Variants in CPVL observed in about 807,000 individuals in gnomAD.
CPVL encodes carboxypeptidase vitellogenic like, also known as probable serine carboxypeptidase CPVL.
In CPVL, 51 loss-of-function variants were observed where a neutral mutation model predicts 63.7. The ratio of observed to expected loss-of-function variants is 0.80; its 90% CI spans 0.64 to 1.01. The LOEUF is 1.01. Among genes scored for constraint, CPVL ranks in the 50% least tolerant of loss-of-function variants. The probability of loss-of-function intolerance (pLI) is 0.00; values close to 1 mark genes in which losing one functional copy is unlikely to be tolerated. For synonymous variants in CPVL, 195 were observed against 206.0 expected, an observed-to-expected ratio of 0.95 and a Z score of 0.46; for missense variants, 530 against 573.1, an observed-to-expected ratio of 0.92 and a Z score of 0.77.
At chr7:29,115,597 C>A (rs1788702052) in intron 2 of CPVL, among the ~76,000 whole-genome samples, 1 of 150,532 alleles carries the variant, frequency 6.6e-6, no homozygotes, top group Non-Finnish European at 1.5e-5. Context: ...TTTAGCAAAA[C>A]TATTAATCTT....
chr7:29,193,386 CTG>C (rs1035821739), intron 1 of CPVL: 3 of 152,092 alleles, frequency 2.0e-5, no homozygotes, highest in Non-Finnish European at 4.4e-5. Flanking sequence ...AGCTGCTGTT[CTG>C]TGTCACTCCT....
intron 1 of CPVL, chr7:29,191,978 TGAATGATTA>T: frequency 6.6e-6 from 1 of 152,200 alleles, no homozygotes; most frequent in African/African-American, 2.4e-5. Flanking sequence ...AGGATGATAG[TGAATGATTA>T]TTCATGTTGA....
chr7:29,146,908 T>C (rs1157919216), upstream of CPVL: 14 of 1,551,108 alleles, frequency 9.0e-6, no homozygotes, highest in Middle Eastern at 3.3e-4. Context: ...ATTCCCACTG[T>C]TTAAAAAGGC....
At chr7:29,195,184 G>C (rs950253852) in exon 1 of CPVL, 99 of 512,844 alleles carry the variant, frequency 1.9e-4, no homozygotes, top group African/African-American at 1.4e-3. Context: ...CCTGACATCT[G>C]ACAGCGCAGA....
chr7:29,041,945 T>A (rs1215867294), intron 11 of CPVL, among the ~76,000 whole-genome samples: 1 of 152,248 alleles, frequency 6.6e-6, no homozygotes, highest in Non-Finnish European at 1.5e-5. Flanking sequence ...ATAGTTTTCA[T>A]GTGCCTTCTA....
At chr7:29,150,885 C>A (rs1327859884), upstream of CPVL, among the ~76,000 whole-genome samples, 1 of 152,168 alleles carries the variant, frequency 6.6e-6, no homozygotes, top group African/African-American at 2.4e-5. Flanking sequence ...TCAATAAACA[C>A]TTTTCTTAAG....
intron 1 of CPVL, among the ~76,000 whole-genome samples, chr7:29,134,420 C>A (rs921466107): frequency 1.3e-5 from 2 of 152,188 alleles, no homozygotes; most frequent in Non-Finnish European, 2.9e-5. Flanking sequence ...CTTCAAGGAA[C>A]CATTGGGTAT....
chr7:29,164,786 A>G (rs1795684776), intron 5 of CPVL, among the ~76,000 whole-genome samples: 1 of 151,458 alleles, frequency 6.6e-6, no homozygotes, highest in Admixed American at 6.6e-5. Flanking sequence ...TCTCAAAAAA[A>G]AAAAAAAAAA....
chr7:29,171,241 A>G (rs983732101), intron 5 of CPVL, among the ~76,000 whole-genome samples: 2 of 152,088 alleles, frequency 1.3e-5, no homozygotes, highest in African/African-American at 2.4e-5. Flanking sequence ...TACGCGTCCT[A>G]CTGTATTCTT....
chr7:28,998,017 G>A (rs1784259897), intron 12 of CPVL, among the ~76,000 whole-genome samples: 1 of 152,138 alleles, frequency 6.6e-6, no homozygotes, highest in Non-Finnish European at 1.5e-5. Context: ...GTAGAAGCTT[G>A]CAACTGGAAA....
chr7:29,061,906 T>C (rs1262281355), intron 11 of CPVL, among the ~76,000 whole-genome samples: 2 of 149,622 alleles, frequency 1.3e-5, no homozygotes, highest in African/African-American at 2.5e-5. Context: ...GTCGCACCAT[T>C]GCACTACAGC....
At chr7:29,030,100 G>A (rs1584036664) in intron 12 of CPVL, among the ~76,000 whole-genome samples, 1 of 152,256 alleles carries the variant, frequency 6.6e-6, no homozygotes, top group East Asian at 1.9e-4. Context: ...ACTTGAAGAG[G>A]ACATTGCAAG....
intron 1 of CPVL, among the ~76,000 whole-genome samples, chr7:29,137,985 G>C (rs575771363): frequency 6.6e-6 from 1 of 152,288 alleles, no homozygotes; most frequent in Non-Finnish European, 1.5e-5. Context: ...TTTGAAAAGA[G>C]TACTATGAAC....
intron 12 of CPVL, among the ~76,000 whole-genome samples, chr7:29,006,388 A>G (rs1785198195): frequency 6.6e-6 from 1 of 152,238 alleles, no homozygotes; most frequent in Admixed American, 6.5e-5. Flanking sequence ...TACAAGGTCT[A>G]AAACTTCTTT....
rs78179711 is a variant in CPVL, at chr7:29,099,340, G to C, written c.289-3123C>G. On this transcript the variant is annotated intron_variant, in intron 3 of 12. Transcript: ENST00000265394. ...CTGTAGCCCACAACTTCCCTGATCAGTTTTACTAGTTATTCCCCCTGCCTC... is the reference window on the plus strand; with the variant it reads ...CTGTAGCCCACAACTTCCCTGATCACTTTTACTAGTTATTCCCCCTGCCTC... Among the ~76,000 whole-genome samples, 1,296 of 152,296 alleles carry C rather than the reference G, an allele frequency of 8.5e-3. 13 individuals are homozygous for C. The highest frequency in any genetic ancestry group is 0.013 in the Non-Finnish European group (913 of 68,016).
chr7:29,100,069 T>G (rs755098235), intron 3 of CPVL, among the ~76,000 whole-genome samples: 10 of 152,178 alleles, frequency 6.6e-5, no homozygotes, highest in Non-Finnish European at 1.3e-4. Flanking sequence ...CAGTACTGCC[T>G]TCCACTTGTA....
chr7:29,160,134 C>G (rs1181077394), intron 5 of CPVL, among the ~76,000 whole-genome samples: 1 of 152,168 alleles, frequency 6.6e-6, no homozygotes, highest in Non-Finnish European at 1.5e-5. Flanking sequence ...ACATGGTTTC[C>G]TGGCCCTCAT....
At chr7:29,120,384 C>T (rs1025613422) in intron 2 of CPVL, among the ~76,000 whole-genome samples, 4 of 150,830 alleles carry the variant, frequency 2.7e-5, no homozygotes, top group Admixed American at 6.6e-5. Context: ...ATTGCGCCAC[C>T]GCACTCCAGC....
At chr7:29,015,961 G>T (rs1161420326) in intron 12 of CPVL, among the ~76,000 whole-genome samples, 2 of 152,194 alleles carry the variant, frequency 1.3e-5, no homozygotes, top group Non-Finnish European at 2.9e-5. Flanking sequence ...AAAGTGTGTG[G>T]TAGACCGTGG....
Sources: allele counts gnomAD v4.1 joint callset (sites outside exome capture counted in the v4.1 genomes callset), GRCh38; gene constraint gnomAD v4.1.1; transcripts MANE v1.5; gene names NCBI Gene and HGNC (gene_info 2026-07-23, HGNC 2026-07-21).